The following AMPH variants were observed in gnomAD, a reference collection of about 807,000 sequenced individuals.
AMPH encodes amphiphysin, also known as amphiphysin (Stiff-Mann syndrome with breast cancer 128kD autoantigen).
Under a neutral mutation model 99.1 loss-of-function variants are expected in AMPH, and 49 were observed. That is an observed-to-expected ratio of 0.49 (90% CI 0.39 to 0.63). AMPH has a LOEUF of 0.63. Among genes scored for constraint, AMPH ranks in the 20% least tolerant of loss-of-function variants. AMPH has a pLI of 0.00. For synonymous variants in AMPH, 314 were observed against 317.3 expected (o/e 0.99, Z 0.11); for missense variants, 759 against 863.4 (o/e 0.88, Z 1.52).
chr7:38,517,990 G>A (rs888603091), intron 2 of AMPH, among the ~76,000 whole-genome samples: 2 of 152,146 alleles, frequency 1.3e-5, no homozygotes, highest in Non-Finnish European at 2.9e-5. Context: ...TAGGCCTGGG[G>A]CACCCTCCAC....
intron 1 of AMPH, among the ~76,000 whole-genome samples, chr7:38,595,357 C>T (rs1446707389): frequency 6.6e-5 from 10 of 152,098 alleles, no homozygotes. Context: ...TGAAATTAGG[C>T]TGTATGAAAA....
chr7:38,463,750 C>G (rs1490671200), intron 9 of AMPH, among the ~76,000 whole-genome samples: 1 of 152,154 alleles, frequency 6.6e-6, no homozygotes, highest in Non-Finnish European at 1.5e-5. Flanking sequence ...CAAAATCAGA[C>G]AAGATTCAGT....
At chr7:38,591,138 T>A (rs1426498433) in intron 1 of AMPH, among the ~76,000 whole-genome samples, 1 of 152,194 alleles carries the variant, frequency 6.6e-6, no homozygotes, top group Non-Finnish European at 1.5e-5. Flanking sequence ...AGGTCTCCTC[T>A]GATTCCCATG....
intron 1 of AMPH, among the ~76,000 whole-genome samples, chr7:38,587,949 T>C (rs111954405): frequency 0.11 from 15,847 of 145,940 alleles, 1,166 homozygotes; most frequent in African/African-American, 0.21. Context: ...TGTGTGTGTG[T>C]GCGCGTGTGT....
chr7:38,559,058 A>C (rs979709689), intron 1 of AMPH, among the ~76,000 whole-genome samples: 4 of 152,252 alleles, frequency 2.6e-5, no homozygotes, highest in Non-Finnish European at 5.9e-5. Flanking sequence ...CACAAAGGAC[A>C]TGCCCTTTCC....
intron 1 of AMPH, among the ~76,000 whole-genome samples, chr7:38,556,474 C>CAGATATGG (rs1344850065): frequency 6.6e-6 from 1 of 152,158 alleles, no homozygotes; most frequent in Non-Finnish European, 1.5e-5. Flanking sequence ...GCTCACTCAC[C>CAGATATGG]AGATATGGGG....
intron 11 of AMPH, among the ~76,000 whole-genome samples, chr7:38,455,262 G>A (rs1210095829): frequency 2.0e-5 from 3 of 151,872 alleles, no homozygotes; most frequent in Non-Finnish European, 2.9e-5. Context: ...GTAGCGACAG[G>A]GTTTCCCCTT....
chr7:38,513,242 G>T lies in AMPH; in HGVS notation c.151-9538C>A, dbSNP rs1217801308. ...AAGAGCTCAGTGGCCACATTCTCTT[G>T]TTTTTTGCCATATAATGAATACAAC... On this transcript the variant is annotated intron_variant, in intron 2 of 20. Coordinates refer to ENST00000356264, the MANE Select transcript of AMPH (RefSeq NM_001635.4). Among the ~76,000 whole-genome samples, 5 of 152,154 alleles carry T rather than the reference G, an allele frequency of 3.3e-5. No individual in the cohort carries two copies. In the East Asian group the frequency reaches 9.6e-4, roughly 29 times the overall value.
chr7:38,612,210 G>A (rs891622691), intron 1 of AMPH, among the ~76,000 whole-genome samples: 1 of 149,594 alleles, frequency 6.7e-6, no homozygotes, highest in African/African-American at 2.5e-5. Context: ...CCAAGTAGCT[G>A]GGATTATAGG....
chr7:38,592,630 C>A (rs994706765), intron 1 of AMPH, among the ~76,000 whole-genome samples: 1 of 151,430 alleles, frequency 6.6e-6, no homozygotes, highest in African/African-American at 2.4e-5. Flanking sequence ...ACTTGGGAGG[C>A]TGAGACAGGA....
intron 11 of AMPH, among the ~76,000 whole-genome samples, chr7:38,446,816 T>C (rs1196917203): frequency 6.6e-6 from 1 of 152,110 alleles, no homozygotes; most frequent in African/African-American, 2.4e-5. Flanking sequence ...ACTAATAACA[T>C]TAAAAAAAAT....
chr7:38,594,579 G>A (rs1198319627), intron 1 of AMPH, among the ~76,000 whole-genome samples: 1 of 152,100 alleles, frequency 6.6e-6, no homozygotes, highest in Non-Finnish European at 1.5e-5. Context: ...GGGGAAGAAG[G>A]GGTACGTATG....
chr7:38,442,091 G>T (rs529621953), intron 11 of AMPH, among the ~76,000 whole-genome samples: 1 of 151,772 alleles, frequency 6.6e-6, no homozygotes, highest in African/African-American at 2.4e-5. Context: ...ACACACTGGG[G>T]CCTATTGGAA....
At chr7:38,469,771 C>G (rs1025938351) in intron 7 of AMPH, among the ~76,000 whole-genome samples, 1 of 152,152 alleles carries the variant, frequency 6.6e-6, no homozygotes, top group Non-Finnish European at 1.5e-5. Flanking sequence ...TCTCAACAAC[C>G]CTATGACTAT....
At position 38,470,932 on chromosome 7, in the gene AMPH, ATT is replaced by A. The variant is rs973333617; in HGVS notation, c.590+4397_590+4398del. 1.2e-4 allele frequency among the ~76,000 whole-genome samples: 18 copies of A among 151,930 alleles called. 1 individual carries two copies. Among genetic ancestry groups the A allele is most frequent in the Admixed American group, 5.2e-4 (8 of 15,254 alleles). On this transcript the variant is annotated intron_variant, in intron 7 of 20. Transcript: ENST00000356264. ...CTCTACTAAATTATCGTTTTTTAAA[ATT>A]TTTTCTGCATTGAACTTATTGTCTG...
At chr7:38,425,765 G>T (rs1357259007) in intron 15 of AMPH, among the ~76,000 whole-genome samples, 1 of 152,308 alleles carries the variant, frequency 6.6e-6, no homozygotes, top group African/African-American at 2.4e-5. Flanking sequence ...CACATATAGG[G>T]CGGAAACAGA....
chr7:38,561,729 C>G (rs1274715911), intron 1 of AMPH, among the ~76,000 whole-genome samples: 1 of 152,038 alleles, frequency 6.6e-6, no homozygotes, highest in East Asian at 1.9e-4. Context: ...CTCTGGGAGG[C>G]AAATAGGTTT....
At chr7:38,578,591 C>CA (rs942451826) in intron 1 of AMPH, among the ~76,000 whole-genome samples, 1 of 152,030 alleles carries the variant, frequency 6.6e-6, no homozygotes, top group Non-Finnish European at 1.5e-5. Flanking sequence ...GCAAGACCCC[C>CA]ATCACTATGA....
rs1374170157 is a variant in AMPH, at chr7:38,445,718, G to A, written c.1018-9330C>T. Among the ~76,000 whole-genome samples the A allele has an allele frequency of 2.1e-5, 3 of 144,678 alleles. No homozygotes were observed. In the East Asian group the frequency reaches 5.8e-4, roughly 28 times the overall value. The allele number at this position is 144,678 out of a possible 152,430, so 94.9% of individuals were successfully genotyped here. A position where few individuals can be genotyped will look rare whatever the true frequency, so the allele number is the denominator to read the frequency against. On this transcript the variant is annotated intron_variant, in intron 11 of 20. Coordinates refer to ENST00000356264, the MANE Select transcript of AMPH (RefSeq NM_001635.4). ...AATGAAATACCACTATCACTTACTAGAATAGCTAAAATTAAAAACACTAAC... is the reference window on the plus strand; with the variant it reads ...AATGAAATACCACTATCACTTACTAAAATAGCTAAAATTAAAAACACTAAC...
Sources: allele counts gnomAD v4.1 joint callset (sites outside exome capture counted in the v4.1 genomes callset), GRCh38; gene constraint gnomAD v4.1.1; transcripts MANE v1.5; gene names NCBI Gene and HGNC (gene_info 2026-07-23, HGNC 2026-07-21).